Variants in CAB39 observed in about 807,000 individuals in gnomAD.
CAB39 encodes calcium binding protein 39.
A neutral mutation model predicts 40.0 loss-of-function variants in CAB39; 8 were observed. The observed-to-expected ratio is 0.20, with a 90% CI of 0.12 to 0.36. The LOEUF is 0.36. CAB39 is among the 10% of genes least tolerant of loss of function. The pLI is 1.00. For missense variants in CAB39, 270 were observed against 401.1 expected (o/e 0.67, Z 2.79); for synonymous variants, 156 against 141.6 (o/e 1.10, Z -0.72).
chr2:230,749,158 A>G (rs1004833608), intron 1 of CAB39, among the ~76,000 whole-genome samples: 5 of 151,814 alleles, frequency 3.3e-5, no homozygotes, highest in Non-Finnish European at 7.4e-5. Flanking sequence ...TTACTATTAA[A>G]TATACAATAC....
chr2:230,774,271 T>C (rs1695545846), intron 2 of CAB39, among the ~76,000 whole-genome samples: 1 of 152,152 alleles, frequency 6.6e-6, no homozygotes, highest in Non-Finnish European at 1.5e-5. Flanking sequence ...AACATTTGAG[T>C]GTTTATTCCT....
At chr2:230,780,229 A>G (rs1244276019) in intron 2 of CAB39, among the ~76,000 whole-genome samples, 5 of 152,222 alleles carry the variant, frequency 3.3e-5, no homozygotes, top group Non-Finnish European at 1.5e-5. Flanking sequence ...AAGAAAAGGC[A>G]AAAAGATTAT....
chr2:230,766,986 G>A (rs1476531725), intron 2 of CAB39, among the ~76,000 whole-genome samples: 3 of 152,170 alleles, frequency 2.0e-5, no homozygotes, highest in Admixed American at 6.5e-5. Flanking sequence ...CAGGAAGTAC[G>A]CTGAACCCAT....
At position 230,820,784 on chromosome 2, in the gene CAB39, AAAC is replaced by A. The variant is rs1177525093; in HGVS notation, c.*2083_*2085del. On this transcript the variant is annotated 3_prime_UTR_variant, in exon 9 of 9. Coordinates refer to ENST00000258418, the MANE Select transcript of CAB39 (RefSeq NM_016289.4). The stretch of plus-strand genomic sequence containing the variant: ...ACTTCGTGGGTTTTGTTTTTAAGCA[AAAC>A]AATGTGAAAACATTTAAGTTTGAAA... The A allele has an allele frequency of 6.5e-6, 1 of 152,674 alleles. No homozygotes were observed. Among genetic ancestry groups the A allele is most frequent in the African/African-American group, 2.4e-5 (1 of 41,458 alleles). The allele number at this position is 152,674 out of a possible 1,614,324, so 9.5% of individuals were successfully genotyped here. A position where few individuals can be genotyped will look rare whatever the true frequency, so the allele number is the denominator to read the frequency against.
chr2:230,789,844 G>C (rs975225167), intron 2 of CAB39, among the ~76,000 whole-genome samples: 2 of 152,156 alleles, frequency 1.3e-5, no homozygotes, highest in African/African-American at 4.8e-5. Context: ...CTGGTGCTGT[G>C]GCCTAGCAAG....
chr2:230,717,613 G>T (rs1274743705), intron 1 of CAB39, among the ~76,000 whole-genome samples: 1 of 152,184 alleles, frequency 6.6e-6, no homozygotes, highest in Non-Finnish European at 1.5e-5. Flanking sequence ...TCAGTGTTCT[G>T]CCTCTGTTTC....
intron 1 of CAB39, among the ~76,000 whole-genome samples, chr2:230,716,705 T>C (rs1694356242): frequency 6.6e-6 from 1 of 152,230 alleles, no homozygotes; most frequent in Admixed American, 6.5e-5. Flanking sequence ...CCTCCAGCCC[T>C]ATTTTAAAAG....
intron 1 of CAB39, among the ~76,000 whole-genome samples, chr2:230,734,331 C>T (rs1045390656): frequency 1.3e-5 from 2 of 152,154 alleles, no homozygotes; most frequent in African/African-American, 2.4e-5. Flanking sequence ...AATCTGGCCA[C>T]CTGCATTTCC....
rs1298914832 is a variant in CAB39, at chr2:230,820,115, A to G, written c.*1411A>G. ...ACGGCAGAACAATGTCTTCTAGACT[A>G]TATCTATGTAAAGTTATTAGAATGG... On this transcript the variant is annotated 3_prime_UTR_variant, in exon 9 of 9. Coordinates refer to ENST00000258418, the MANE Select transcript of CAB39 (RefSeq NM_016289.4). 3 of 152,658 alleles carry G rather than the reference A, an allele frequency of 2.0e-5. No individual in the cohort carries two copies. Among genetic ancestry groups the G allele is most frequent in the Non-Finnish European group, 2.9e-5 (2 of 68,044 alleles). 9.5% of individuals were successfully genotyped at this position (152,658 alleles called of 1,614,324 possible).
At chr2:230,801,847 C>A (rs540953193) in intron 5 of CAB39, among the ~76,000 whole-genome samples, 1 of 149,698 alleles carries the variant, frequency 6.7e-6, no homozygotes, top group Non-Finnish European at 1.5e-5. Context: ...CCACCCTGGG[C>A]GACGGAGTGG....
At chr2:230,773,072 A>G (rs1410051105) in intron 2 of CAB39, among the ~76,000 whole-genome samples, 1 of 152,110 alleles carries the variant, frequency 6.6e-6, no homozygotes, top group Admixed American at 6.6e-5. Context: ...GCCAGACTAT[A>G]AAGAGCACAT....
intron 3 of CAB39, among the ~76,000 whole-genome samples, chr2:230,792,546 T>C (rs1695909624): frequency 6.6e-6 from 1 of 152,232 alleles, no homozygotes; most frequent in African/African-American, 2.4e-5. Context: ...TTTGTTGATT[T>C]CTTGTGCAGC....
chr2:230,732,975 T>A (rs541072911), intron 1 of CAB39, among the ~76,000 whole-genome samples: 1 of 152,214 alleles, frequency 6.6e-6, no homozygotes, highest in Non-Finnish European at 1.5e-5. Flanking sequence ...AAAAAAAATT[T>A]TAAATATGGA....
intron 1 of CAB39, among the ~76,000 whole-genome samples, chr2:230,753,817 T>C (rs1472830825): frequency 6.6e-6 from 1 of 152,034 alleles, no homozygotes; most frequent in Non-Finnish European, 1.5e-5. Context: ...GCCAAATGAA[T>C]TATTTTATTA....
At chr2:230,741,386 G>A (rs774979409) in intron 1 of CAB39, among the ~76,000 whole-genome samples, 7 of 152,188 alleles carry the variant, frequency 4.6e-5, no homozygotes, top group Non-Finnish European at 8.8e-5. Context: ...GTCTACTTCA[G>A]AATATTCCTA....
At position 230,732,373 on chromosome 2, in the gene CAB39, C is replaced by T. The variant is rs567075749; in HGVS notation, c.-44+19143C>T. On this transcript the variant is annotated intron_variant, in intron 1 of 8. Coordinates refer to ENST00000258418, the MANE Select transcript of CAB39 (RefSeq NM_016289.4). ...CTGGGATTACTGGCGTGAGCCACCG[C>T]GCCCGGCCGAAATTATCTCTTAACA... Among the ~76,000 whole-genome samples, 13 of 152,302 alleles carry T rather than the reference C, an allele frequency of 8.5e-5. No homozygotes were observed. In the South Asian group the frequency reaches 2.1e-3, roughly 24 times the overall value.
chr2:230,754,280 ATTC>A (rs2124910616), intron 1 of CAB39, among the ~76,000 whole-genome samples: 1 of 148,194 alleles, frequency 6.7e-6, no homozygotes, highest in South Asian at 2.2e-4. Context: ...TATTTGTAGT[ATTC>A]TTTTTTCTTT....
chr2:230,808,690 T>A (rs1384813245), intron 5 of CAB39, among the ~76,000 whole-genome samples: 2 of 152,204 alleles, frequency 1.3e-5, no homozygotes, highest in Admixed American at 6.5e-5. Context: ...TGGGAAAAAT[T>A]GGGTAGGTCC....
intron 1 of CAB39, among the ~76,000 whole-genome samples, chr2:230,720,173 G>C (rs1354181465): frequency 6.6e-6 from 1 of 152,108 alleles, no homozygotes; most frequent in Non-Finnish European, 1.5e-5. Flanking sequence ...TGTGTTTTAG[G>C]GGAAGGAAAA....
Sources: gnomAD v4.1 joint callset for allele counts (sites outside exome capture counted in the v4.1 genomes callset) on GRCh38, gnomAD v4.1.1 for gene constraint, MANE v1.5 for transcripts, NCBI Gene and HGNC (gene_info 2026-07-23, HGNC 2026-07-21) for gene names.